RAB8B: variants seen among roughly 807,000 people sequenced by gnomAD.
RAB8B encodes RAB8B, member RAS oncogene family, also known as ras-related protein Rab-8B.
Under a neutral mutation model 32.0 loss-of-function variants are expected in RAB8B, and 11 were observed. That is an observed-to-expected ratio of 0.34 (90% CI 0.22 to 0.57). The LOEUF is 0.57. RAB8B is among the 20% of genes least tolerant of loss of function. The probability of loss-of-function intolerance (pLI) is 0.86; values close to 1 mark genes in which losing one functional copy is unlikely to be tolerated. For missense variants in RAB8B, 190 were observed against 258.5 expected (o/e 0.73, Z 1.82); for synonymous variants, 103 against 89.6 (o/e 1.15, Z -0.85).
intron 1 of RAB8B, among the ~76,000 whole-genome samples, chr15:63,214,607 A>G (rs940813328): frequency 1.3e-5 from 2 of 152,142 alleles, no homozygotes; most frequent in Admixed American, 1.3e-4. Context: ...TCAAAGTGCT[A>G]GGATTACAGG....
At chr15:63,251,242 T>C in intron 3 of RAB8B, 1 of 455,860 alleles carries the variant, frequency 2.2e-6, no homozygotes, top group Non-Finnish European at 4.4e-6. Context: ...TTATTATATG[T>C]GCCAGGAAGA....
At chr15:63,205,928 C>T (rs909397184) in intron 1 of RAB8B, among the ~76,000 whole-genome samples, 1 of 152,176 alleles carries the variant, frequency 6.6e-6, no homozygotes, top group Non-Finnish European at 1.5e-5. Context: ...GGTGGAAGAG[C>T]AGGAGCTTTC....
intron 1 of RAB8B, chr15:63,223,095 A>G (rs760467143): frequency 5.3e-5 from 24 of 451,824 alleles, no homozygotes; most frequent in South Asian, 1.7e-4. Flanking sequence ...ATATAGGTAT[A>G]CCATTTTTAT....
At chr15:63,249,825 G>A in intron 3 of RAB8B, 120 bp downstream of exon 3, 2 of 1,102,994 alleles carry the variant, frequency 1.8e-6, no homozygotes, top group South Asian at 1.5e-5. Flanking sequence ...TTTCTGATGG[G>A]GAAACAAGAC....
chr15:63,240,553 T>A (rs1262248703), intron 1 of RAB8B, among the ~76,000 whole-genome samples: 1 of 152,158 alleles, frequency 6.6e-6, no homozygotes, highest in African/African-American at 2.4e-5. Flanking sequence ...CCTCTTGTAG[T>A]GAAATTCTTA....
intron 1 of RAB8B, among the ~76,000 whole-genome samples, chr15:63,236,013 C>G (rs1184244994): frequency 1.3e-5 from 2 of 152,158 alleles, no homozygotes; most frequent in African/African-American, 4.8e-5. Context: ...AAAGCCAAAA[C>G]TTGATTTTAA....
At chr15:63,215,056 G>T (rs1356925876) in intron 1 of RAB8B, among the ~76,000 whole-genome samples, 2 of 152,018 alleles carry the variant, frequency 1.3e-5, no homozygotes, top group Non-Finnish European at 2.9e-5. Context: ...TGCTATTTGT[G>T]ACCAAATACC....
intron 1 of RAB8B, among the ~76,000 whole-genome samples, chr15:63,196,214 C>A (rs891258810): frequency 1.3e-5 from 2 of 152,182 alleles, no homozygotes; most frequent in Non-Finnish European, 2.9e-5. Flanking sequence ...ACAGACATGT[C>A]TGTGGGCTAG....
At chr15:63,219,294 T>C (rs2037822236) in intron 1 of RAB8B, among the ~76,000 whole-genome samples, 2 of 133,838 alleles carry the variant, frequency 1.5e-5, no homozygotes, top group South Asian at 4.7e-4. Flanking sequence ...GAGACTCCCA[T>C]CAAAAAAAAA....
At chr15:63,247,081 C>T (rs1352061876) in intron 2 of RAB8B, among the ~76,000 whole-genome samples, 1 of 152,154 alleles carries the variant, frequency 6.6e-6, no homozygotes, top group Non-Finnish European at 1.5e-5. Flanking sequence ...CTGGGAAACC[C>T]AAGATCAGGG....
chr15:63,198,906 A>G (rs1327010456), intron 1 of RAB8B, among the ~76,000 whole-genome samples: 1 of 152,266 alleles, frequency 6.6e-6, no homozygotes, highest in African/African-American at 2.4e-5. Context: ...ATTACAAAAA[A>G]AAGAGTTTGT....
intron 1 of RAB8B, chr15:63,223,060 A>G (rs998328336): frequency 2.2e-6 from 1 of 455,824 alleles, no homozygotes; most frequent in African/African-American, 2.0e-5. Context: ...CCAGTCCTGT[A>G]AGCGCCTTTC....
At position 63,209,540 on chromosome 15, in the gene RAB8B, G is replaced by A. The variant is rs1000914838; in HGVS notation, c.124+19792G>A. On this transcript the variant is annotated intron_variant, in intron 1 of 7. Coordinates refer to ENST00000321437, the MANE Select transcript of RAB8B (RefSeq NM_016530.3). ...CGGGAGGCGGAGGTTGCAGTGAGCCGAGATCACACCACTGCACTCCAGCCT... is the reference window on the plus strand; with the variant it reads ...CGGGAGGCGGAGGTTGCAGTGAGCCAAGATCACACCACTGCACTCCAGCCT... Among the ~76,000 whole-genome samples, 5 of 150,574 alleles carry A rather than the reference G, an allele frequency of 3.3e-5. No homozygotes were observed. In the South Asian group the frequency reaches 6.3e-4, roughly 19 times the overall value.
intron 1 of RAB8B, among the ~76,000 whole-genome samples, chr15:63,195,785 G>A (rs1253735240): frequency 6.6e-6 from 1 of 152,250 alleles, no homozygotes; most frequent in Non-Finnish European, 1.5e-5. Flanking sequence ...AGCATGAGAA[G>A]AGGGTTGGGG....
intron 2 of RAB8B, 94 bp from the exon 3 acceptor site, chr15:63,249,551 G>A (rs1023193648): frequency 3.2e-5 from 38 of 1,191,040 alleles, no homozygotes; most frequent in Non-Finnish European, 4.0e-5. Flanking sequence ...ACTGCACCCT[G>A]AGCAGACTAG....
At chr15:63,190,990 A>G (rs1354147389) in intron 1 of RAB8B, among the ~76,000 whole-genome samples, 1 of 152,238 alleles carries the variant, frequency 6.6e-6, no homozygotes, top group Non-Finnish European at 1.5e-5. Context: ...AGGTAATAAG[A>G]TCTCTTAACT....
At chr15:63,202,723 T>A (rs1482174694) in intron 1 of RAB8B, among the ~76,000 whole-genome samples, 2 of 152,358 alleles carry the variant, frequency 1.3e-5, no homozygotes, top group African/African-American at 4.8e-5. Context: ...CATGTCAGCC[T>A]GTCCTTTTAT....
Position 63,259,479 on chromosome 15 carries a change from C to T in RAB8B, c.415-148C>T. 1.6e-6 allele frequency: 1 copy of T among 625,760 alleles called. No individual in the cohort carries two copies. The highest frequency in any genetic ancestry group is 2.8e-6 in the Non-Finnish European group (1 of 359,550). 38.8% of individuals were successfully genotyped at this position (625,760 alleles called of 1,614,324 possible). A position where few individuals can be genotyped will look rare whatever the true frequency, so the allele number is the denominator to read the frequency against. ...AAGTTAAATTATTAAATTCTGAATA[C>T]AGTAGAAGAAAGCAAAGAAATTTGA... On this transcript the variant is annotated intron_variant, in intron 5 of 7. Coordinates refer to ENST00000321437, the MANE Select transcript of RAB8B (RefSeq NM_016530.3). The surrounding 1 kb of genome is among the most constrained non-coding windows in gnomAD (Gnocchi z 4.4).
At chr15:63,229,324 A>G (rs2037914925) in intron 1 of RAB8B, among the ~76,000 whole-genome samples, 1 of 152,232 alleles carries the variant, frequency 6.6e-6, no homozygotes, top group African/African-American at 2.4e-5. Flanking sequence ...TCGGGGCTCA[A>G]GTTCAGGCTA....
Sources: gnomAD v4.1 joint callset for allele counts (sites outside exome capture counted in the v4.1 genomes callset) on GRCh38, gnomAD v4.1.1 for gene constraint, Gnocchi (gnomAD v3.1) non-coding constraint, MANE v1.5 for transcripts, NCBI Gene and HGNC (gene_info 2026-07-23, HGNC 2026-07-21) for gene names.